Variants in MCOLN2 observed in about 807,000 individuals in gnomAD.
The protein encoded by MCOLN2 is mucolipin-2.
Under a neutral mutation model 67.5 loss-of-function variants are expected in MCOLN2, and 57 were observed. The ratio of observed to expected loss-of-function variants is 0.84; its 90% CI spans 0.68 to 1.05. MCOLN2 has a LOEUF of 1.05. Among genes scored for constraint, MCOLN2 ranks in the 50% least tolerant of loss-of-function variants. The pLI, the probability that MCOLN2 is intolerant of heterozygous loss-of-function variation, is 0.00. For missense variants in MCOLN2, 620 were observed against 678.8 expected (o/e 0.91, Z 0.96); for synonymous variants, 246 against 233.3 (o/e 1.05, Z -0.50).
chr1:84,932,063 C>G (rs1647215208), intron 11 of MCOLN2, among the ~76,000 whole-genome samples: 1 of 151,788 alleles, frequency 6.6e-6, no homozygotes, highest in Admixed American at 6.6e-5. Context: ...CCCCTCCATA[C>G]TCTCAAAGTT....
At chr1:84,952,624 C>T (rs677476) in intron 4 of MCOLN2, 94 bp from the exon 5 acceptor site, 3 of 799,734 alleles carry the variant, frequency 3.8e-6, no homozygotes, top group African/African-American at 1.7e-5. Context: ...AGGTTACTTA[C>T]GGAGTTTCAA....
rs1661133513 is a variant in MCOLN2 at position 84,925,859 on chromosome 1, T to G, written c.*826A>C. The G allele has an allele frequency of 6.6e-6, 1 of 151,970 alleles. No individual in the cohort carries two copies. The highest frequency in any genetic ancestry group is 1.5e-5 in the Non-Finnish European group (1 of 68,064). The allele number at this position is 151,970 out of a possible 1,614,324, so 9.4% of individuals were successfully genotyped here. ...AACAGGCCAAGAAATGTCCACTGCATGAGCATGAGGTCTTTTTGTTGATTT... is the reference window on the plus strand; with the variant it reads ...AACAGGCCAAGAAATGTCCACTGCAGGAGCATGAGGTCTTTTTGTTGATTT... On this transcript the variant is annotated 3_prime_UTR_variant, in exon 14 of 14. Transcript: ENST00000370608.
In MCOLN2 at chr1:84,938,672, C is replaced by T. The variant is rs142972950; in HGVS notation, c.1111-590G>A. Among the ~76,000 whole-genome samples, 249 of 152,250 alleles carry T rather than the reference C, an allele frequency of 1.6e-3. 4 individuals carry two copies. The East Asian group carries it at 0.042, about 26-fold the overall frequency. On this transcript the variant is annotated intron_variant, in intron 9 of 13. Transcript: ENST00000370608. ...TGCAGGACAGGCTGGGAGGAAGCAC[C>T]ACAGGTAAGTGGACAAAAGCTGAAC...
chr1:84,988,185 G>C (rs183631587), intron 1 of MCOLN2, among the ~76,000 whole-genome samples: 3 of 152,006 alleles, frequency 2.0e-5, no homozygotes, highest in Non-Finnish European at 4.4e-5. Flanking sequence ...TGGGTGCACA[G>C]CAGAATCATC....
At chr1:84,966,822 A>G (rs593721) in intron 1 of MCOLN2, among the ~76,000 whole-genome samples, 53,436 of 151,670 alleles carry the variant, frequency 0.35, 9,730 homozygotes, top group African/African-American at 0.43. Context: ...CCCAAAGTGG[A>G]GTGCCGAAAA....
In MCOLN2 at chr1:84,958,587, C is replaced by T; in HGVS notation, c.353G>A (p.Ser118Asn). The T allele has an allele frequency of 6.2e-7, 1 of 1,611,200 alleles. No homozygotes were observed. The highest frequency in any genetic ancestry group is 8.5e-7 in the Non-Finnish European group (1 of 1,179,422). The change falls in exon 3 of 14, where the codon AGC (serine) becomes AAC (asparagine). Residue 118 changes from serine to asparagine, a missense_variant. Physicochemically the swap from Ser to Asn is conservative, Grantham distance 46 (BLOSUM62 1). Transcript: ENST00000370608. Reference protein sequence around the residue: ...GYSGTDEDDYSCSVYTQEDAY... With the variant: ...GYSGTDEDDYNCSVYTQEDAY... ...ATCCTCTTGAGTATATACACTGCAG[C>T]TGTAGTCATCTTCATCTGTACCAGA...
At position 84,931,575 on chromosome 1, in the gene MCOLN2, G is replaced by A. The variant is rs1438825105; in HGVS notation, c.1336-7C>T. On this transcript the variant is annotated splice_polypyrimidine_tract_variant and splice_region_variant and intron_variant, in intron 11 of 13. Coordinates refer to ENST00000370608, the MANE Select transcript of MCOLN2 (RefSeq NM_153259.4). Reference sequence around the variant, plus strand: ...CTGTGTTCAGATTTTCAAACTGTAGGGGGAAATAAAAACTAGTTTCTGAAA... The same window carrying A: ...CTGTGTTCAGATTTTCAAACTGTAGAGGGAAATAAAAACTAGTTTCTGAAA... 5 of 1,609,540 alleles carry A rather than the reference G, an allele frequency of 3.1e-6. No homozygotes were observed. Among genetic ancestry groups the A allele is most frequent in the Non-Finnish European group, 4.2e-6 (5 of 1,177,438 alleles).
At chr1:84,994,285 C>T (rs1651040518) in intron 1 of MCOLN2, among the ~76,000 whole-genome samples, 1 of 152,122 alleles carries the variant, frequency 6.6e-6, no homozygotes, top group African/African-American at 2.4e-5. Flanking sequence ...TAAAAGTCAC[C>T]AGCTGTACTA....
At chr1:84,990,191 G>T (rs1432705897) in intron 1 of MCOLN2, among the ~76,000 whole-genome samples, 2 of 150,496 alleles carry the variant, frequency 1.3e-5, no homozygotes, top group Non-Finnish European at 3.0e-5. Flanking sequence ...CCAGCTGCTT[G>T]GGAGGCTGAG....
Position 84,929,100 on chromosome 1 carries a change from C to A in MCOLN2, c.1664+458G>T, listed in dbSNP as rs566612406. On this transcript the variant is annotated intron_variant, in intron 13 of 13. Coordinates refer to ENST00000370608, the MANE Select transcript of MCOLN2 (RefSeq NM_153259.4). ...CAAAGCACAGCTAGGCAAGGAAGAG[C>A]TACTGGTGTGCACGGATAAGCAAGC... Among the ~76,000 whole-genome samples, 15 of 152,346 alleles carry A rather than the reference C, an allele frequency of 9.8e-5. No homozygotes were observed. In the South Asian group the frequency reaches 2.7e-3, roughly 27 times the overall value.
intron 3 of MCOLN2, among the ~76,000 whole-genome samples, 179 bp from the exon 4 acceptor site, chr1:84,956,763 C>T (rs1214408664): frequency 6.6e-6 from 1 of 152,174 alleles, no homozygotes; most frequent in Non-Finnish European, 1.5e-5. Context: ...AAGACACTGC[C>T]TCACAGAACT....
rs753712620 is a variant in MCOLN2, at chr1:84,931,381, T to C, written c.1523A>G (p.Asp508Gly). The change falls in exon 12 of 14, where the codon GAT (aspartate) becomes GGT (glycine). Residue 508 changes from aspartate to glycine, a missense_variant. By Grantham distance (94) the Asp-to-Gly change is moderately conservative. Coordinates refer to ENST00000370608, the MANE Select transcript of MCOLN2 (RefSeq NM_153259.4). ...ACTTACCTTAATGGTGTCATAAGAA[T>C]CTGTAATAAGTGCAATAAAAAGACT... ...ILSLFIALIT[D>G]SYDTIKKFQQ... is the part of the protein sequence containing the mutation. 5.1e-6 allele frequency: 8 copies of C among 1,575,048 alleles called. No homozygotes were observed. The Admixed American group carries it at 1.2e-4, about 23-fold the overall frequency.
At chr1:84,980,140 A>G (rs1374676040) in intron 1 of MCOLN2, among the ~76,000 whole-genome samples, 1 of 152,146 alleles carries the variant, frequency 6.6e-6, no homozygotes, top group Non-Finnish European at 1.5e-5. Context: ...TATAATGAAA[A>G]CTGTAAAACA....
At chr1:84,955,739 T>C (rs1359073198) in intron 4 of MCOLN2, among the ~76,000 whole-genome samples, 2 of 151,622 alleles carry the variant, frequency 1.3e-5, no homozygotes, top group African/African-American at 2.4e-5. Context: ...GCAGTGAAAA[T>C]GGGGAAATTG....
intron 1 of MCOLN2, among the ~76,000 whole-genome samples, chr1:84,974,368 T>A (rs551540023): frequency 1.6e-3 from 239 of 151,566 alleles, no homozygotes; most frequent in Non-Finnish European, 2.9e-3. Context: ...AACTAGTGGC[T>A]CCAAAAAAGA....
chr1:84,991,222 G>T (rs1221167673), intron 1 of MCOLN2, among the ~76,000 whole-genome samples: 1 of 152,098 alleles, frequency 6.6e-6, no homozygotes, highest in African/African-American at 2.4e-5. Context: ...GACTGGTTTG[G>T]GGTAGAGGGT....
intron 2 of MCOLN2, 80 bp downstream of exon 2, chr1:84,965,468 CA>C: frequency 2.7e-6 from 4 of 1,463,728 alleles, no homozygotes; most frequent in Non-Finnish European, 3.7e-6. Context: ...CTTTTCAGAA[CA>C]AAAGTCAAGT....
Position 84,965,630 on chromosome 1 carries a change from A to G in MCOLN2, c.156T>C (p.Pro52=), listed in dbSNP as rs770969994. 9.9e-6 allele frequency: 16 copies of G among 1,614,090 alleles called. No homozygotes were observed. The highest frequency in any genetic ancestry group is 1.4e-5 in the Non-Finnish European group (16 of 1,179,964). ...GGCGTCTGGCTCGGTATTTTTCACA[A>G]GGGCTCATGAAGTAAAACTTCAGGT... The part of the protein sequence containing the change: ...REDLKFYFMS[P]CEKYRARRQI... The change falls in exon 2 of 14, where the codon CCT becomes CCC. Residue 52 remains proline (P), a synonymous_variant. Coordinates refer to ENST00000370608, the MANE Select transcript of MCOLN2 (RefSeq NM_153259.4).
Position 84,988,603 on chromosome 1 carries a change from T to C in MCOLN2, c.77+8193A>G, listed in dbSNP as rs373447226. On this transcript the variant is annotated intron_variant, in intron 1 of 13. Transcript: ENST00000370608. ...CCACAAGGAGTGGTCCCCATCACTGTCTATGCACTGCAGCCTCCCTGGTCC... is the reference window on the plus strand; with the variant it reads ...CCACAAGGAGTGGTCCCCATCACTGCCTATGCACTGCAGCCTCCCTGGTCC... Among the ~76,000 whole-genome samples the C allele has an allele frequency of 4.7e-4, 71 of 152,310 alleles. 1 individual carries two copies. Among genetic ancestry groups the C allele is most frequent in the African/African-American group, 1.7e-3 (71 of 41,574 alleles).
Sources: allele counts gnomAD v4.1 joint callset (sites outside exome capture counted in the v4.1 genomes callset), GRCh38; gene constraint gnomAD v4.1.1; transcripts MANE v1.5; gene names NCBI Gene and HGNC (gene_info 2026-07-23, HGNC 2026-07-21).